Variants in CPNE4 observed in about 807,000 individuals in gnomAD.
CPNE4 encodes the protein copine 4.
In CPNE4, 25 loss-of-function variants were observed where a neutral mutation model predicts 67.9. That is an observed-to-expected ratio of 0.37 (90% CI 0.27 to 0.51). The LOEUF (loss-of-function observed/expected upper bound fraction) is 0.51, where lower values mean the gene tolerates loss of function less well. Ranked by LOEUF, CPNE4 falls within the 20% of genes least tolerant of loss-of-function variation. CPNE4 has a pLI of 0.93. For missense variants in CPNE4, 464 were observed against 690.8 expected (o/e 0.67, Z 3.68); for synonymous variants, 242 against 244.9 (o/e 0.99, Z 0.11).
In CPNE4 at chr3:131,949,147, T is replaced by G. The variant is rs146590022; in HGVS notation, c.-1-43703A>C. ...AGCACAATCATTGCTAAATAAATGG[T>G]AGTACCCTTTGCTAAGCCCATCTCT... On this transcript the variant is annotated intron_variant, in intron 1 of 15. Transcript: ENST00000429747. Among the ~76,000 whole-genome samples, 460 of 152,308 alleles carry G rather than the reference T, an allele frequency of 3.0e-3. 2 individuals are homozygous for G. Among genetic ancestry groups the G allele is most frequent in the African/African-American group, 0.01 (431 of 41,574 alleles).
chr3:131,618,298 G>T (rs1940273945), intron 7 of CPNE4, among the ~76,000 whole-genome samples: 1 of 152,084 alleles, frequency 6.6e-6, no homozygotes, highest in South Asian at 2.1e-4. Flanking sequence ...ACATTTAGGA[G>T]GTATATTGTG....
At chr3:131,985,279 A>C (rs2073014215) in intron 1 of CPNE4, among the ~76,000 whole-genome samples, 1 of 152,164 alleles carries the variant, frequency 6.6e-6, no homozygotes, top group Admixed American at 6.5e-5. Context: ...TAAGATTTCA[A>C]CATATCAGTT....
intron 1 of CPNE4, among the ~76,000 whole-genome samples, chr3:131,973,618 G>A (rs1307017906): frequency 6.6e-6 from 1 of 152,218 alleles, no homozygotes; most frequent in African/African-American, 2.4e-5. Context: ...TGGCAGAGCT[G>A]GTATTCAAAC....
chr3:131,642,150 T>C (rs1335105035), intron 7 of CPNE4, among the ~76,000 whole-genome samples: 2 of 152,098 alleles, frequency 1.3e-5, no homozygotes, highest in African/African-American at 2.4e-5. Context: ...TCCCCCAAAA[T>C]TTATTGAAAT....
At chr3:131,893,507 A>G (rs2088199310) in intron 2 of CPNE4, among the ~76,000 whole-genome samples, 1 of 152,052 alleles carries the variant, frequency 6.6e-6, no homozygotes, top group Admixed American at 6.6e-5. Flanking sequence ...ATTTCATCCA[A>G]TAGCTGAAGA....
At chr3:131,797,805 G>A (rs1028164492) in intron 2 of CPNE4, among the ~76,000 whole-genome samples, 1 of 152,132 alleles carries the variant, frequency 6.6e-6, no homozygotes, top group Admixed American at 6.5e-5. Flanking sequence ...CTGTGTAGAG[G>A]CCTGTCTACA....
chr3:131,657,468 C>T (rs956196165), intron 7 of CPNE4, among the ~76,000 whole-genome samples: 1 of 151,586 alleles, frequency 6.6e-6, no homozygotes, highest in Non-Finnish European at 1.5e-5. Context: ...TACTGTGGCT[C>T]ACCTCAGGAA....
rs148999684 is a variant in CPNE4, at chr3:131,861,929, G to A, written c.180+43335C>T. Among the ~76,000 whole-genome samples, 238 of 152,278 alleles carry A rather than the reference G, an allele frequency of 1.6e-3. 1 individual carries two copies. The highest frequency in any genetic ancestry group is 5.4e-3 in the African/African-American group (225 of 41,562). ...TCTACAGTTTCCTAGAATAGTAAAA[G>A]AGGGAGTTACACTCTGCATACTAAT... On this transcript the variant is annotated intron_variant, in intron 2 of 15. Coordinates refer to ENST00000429747, the MANE Select transcript of CPNE4 (RefSeq NM_130808.3).
At chr3:131,768,136 C>T (rs750541453) in intron 2 of CPNE4, among the ~76,000 whole-genome samples, 2 of 152,076 alleles carry the variant, frequency 1.3e-5, no homozygotes, top group African/African-American at 2.4e-5. Context: ...TTGTTCCCAC[C>T]ATTTCTGCAG....
In CPNE4 at chr3:131,829,220, A is replaced by T. The variant is rs117432764; in HGVS notation, c.180+76044T>A. Among the ~76,000 whole-genome samples the T allele has an allele frequency of 8.2e-4, 125 of 152,350 alleles. No homozygotes were observed. The East Asian group carries it at 0.023, about 28-fold the overall frequency. On this transcript the variant is annotated intron_variant, in intron 2 of 15. Transcript: ENST00000429747. ...AGTTCCTCCCATGACATGTGGGAAT[A>T]CTGGGAGATACAATTCAGGATGACA...
At chr3:131,883,034 A>G (rs1428440642) in intron 2 of CPNE4, among the ~76,000 whole-genome samples, 1 of 152,108 alleles carries the variant, frequency 6.6e-6, no homozygotes, top group Non-Finnish European at 1.5e-5. Context: ...CTCTACTTTC[A>G]ATGGCAAAAA....
Position 131,710,087 on chromosome 3 carries a change from T to C in CPNE4, c.361-10107A>G, listed in dbSNP as rs986167119. ...AGTGCCTACAAGAGTGTCTGGCACATAGTAAGTTCCAATAAGTGGATAAAG... is the reference window on the plus strand; with the variant it reads ...AGTGCCTACAAGAGTGTCTGGCACACAGTAAGTTCCAATAAGTGGATAAAG... On this transcript the variant is annotated intron_variant, in intron 3 of 15. Transcript: ENST00000429747. 2.0e-5 allele frequency among the ~76,000 whole-genome samples: 3 copies of C among 152,234 alleles called. No homozygotes were observed. In the South Asian group the frequency reaches 6.2e-4, roughly 31 times the overall value.
chr3:131,800,575 T>C (rs1268035790), intron 2 of CPNE4, among the ~76,000 whole-genome samples: 1 of 152,150 alleles, frequency 6.6e-6, no homozygotes, highest in Non-Finnish European at 1.5e-5. Context: ...CAGTAACTTT[T>C]GTGGGAAGAA....
intron 1 of CPNE4, among the ~76,000 whole-genome samples, chr3:131,965,500 C>T (rs1447647628): frequency 1.3e-5 from 2 of 152,166 alleles, no homozygotes; most frequent in African/African-American, 2.4e-5. Flanking sequence ...CAAAGACACA[C>T]ATAGGCTCAA....
At chr3:131,656,282 G>A (rs2079963427) in intron 7 of CPNE4, among the ~76,000 whole-genome samples, 2 of 152,128 alleles carry the variant, frequency 1.3e-5, no homozygotes, top group Non-Finnish European at 2.9e-5. Flanking sequence ...ACATGACAAT[G>A]AGGAAAGAAA....
At chr3:131,699,798 G>T (rs1159034524) in intron 4 of CPNE4, 111 bp downstream of exon 4, 9 of 664,582 alleles carry the variant, frequency 1.4e-5, no homozygotes, top group Non-Finnish European at 2.1e-5. Context: ...AGTAGTTGTG[G>T]CACCAACTCC....
At chr3:132,022,029 T>C (rs929938397) in intron 1 of CPNE4, among the ~76,000 whole-genome samples, 3 of 152,338 alleles carry the variant, frequency 2.0e-5, no homozygotes, top group Non-Finnish European at 2.9e-5. Flanking sequence ...AGGTCCCTAT[T>C]ATTCCACCCC....
At chr3:131,871,372 T>A (rs181378274) in intron 2 of CPNE4, among the ~76,000 whole-genome samples, 146 of 151,554 alleles carry the variant, frequency 9.6e-4, no homozygotes, top group African/African-American at 3.3e-3. Context: ...GACTGAGGAG[T>A]CTTCTTGGAG....
chr3:131,643,135 C>T (rs1263312120), intron 7 of CPNE4, among the ~76,000 whole-genome samples: 2 of 152,102 alleles, frequency 1.3e-5, no homozygotes, highest in Non-Finnish European at 2.9e-5. Flanking sequence ...TGGTCTCTGA[C>T]GGAGATGAGG....
Sources: gnomAD v4.1 joint callset for allele counts (sites outside exome capture counted in the v4.1 genomes callset) on GRCh38, gnomAD v4.1.1 for gene constraint, MANE v1.5 for transcripts, NCBI Gene and HGNC (gene_info 2026-07-23, HGNC 2026-07-21) for gene names.